Variants in SLC38A11 observed in about 807,000 individuals in gnomAD.
SLC38A11 encodes solute carrier family 38 member 11, also known as putative sodium-coupled neutral amino acid transporter 11.
SLC38A11 carries 51 observed loss-of-function variants against 49.4 expected under a neutral mutation model. The observed-to-expected ratio is 1.03, with a 90% confidence interval of 0.83 to 1.30. The LOEUF (loss-of-function observed/expected upper bound fraction) is 1.30. Ranked by LOEUF, SLC38A11 falls within the 50% of genes most tolerant of loss-of-function variation. The probability of loss-of-function intolerance (pLI) is 0.00; values close to 1 mark genes in which losing one functional copy is unlikely to be tolerated. For missense variants in SLC38A11, 574 were observed against 556.2 expected (o/e 1.03, Z -0.32); for synonymous variants, 203 against 192.9 (o/e 1.05, Z -0.43).
chr2:164,934,458 G>T (rs1002390085), intron 7 of SLC38A11, among the ~76,000 whole-genome samples: 1 of 151,950 alleles, frequency 6.6e-6, no homozygotes, highest in African/African-American at 2.4e-5. Flanking sequence ...GAATCCAATT[G>T]CCTGGCCCCT....
chr2:164,949,405 A>G (rs10930142), intron 3 of SLC38A11, among the ~76,000 whole-genome samples: 121,142 of 151,874 alleles, frequency 0.8, 48,740 homozygotes, highest in East Asian at 0.99. Context: ...CTACAGACAC[A>G]AGCCACCACA....
chr2:164,936,307 G>T (rs1353195662), intron 7 of SLC38A11, among the ~76,000 whole-genome samples: 1 of 151,382 alleles, frequency 6.6e-6, no homozygotes, highest in Non-Finnish European at 1.5e-5. Flanking sequence ...CCTTTTTTTT[G>T]GTATTTTCCT....
intron 8 of SLC38A11, chr2:164,915,500 C>A (rs1037453577): frequency 6.4e-6 from 3 of 471,234 alleles, no homozygotes; most frequent in African/African-American, 2.0e-5. Flanking sequence ...ATAAACCAGG[C>A]CAGTCCAACA....
chr2:164,927,469 G>T (rs1215686014), intron 7 of SLC38A11, among the ~76,000 whole-genome samples: 1 of 152,096 alleles, frequency 6.6e-6, no homozygotes, highest in African/African-American at 2.4e-5. Flanking sequence ...GTAAAAAAAT[G>T]GTTTTGGAGA....
At chr2:164,907,838 C>T (rs1685123579) in intron 11 of SLC38A11, 1 of 152,104 alleles carries the variant, frequency 6.6e-6, no homozygotes, top group African/African-American at 2.4e-5. Context: ...ATTGATATGG[C>T]TTATTCACAG....
At chr2:164,934,634 C>G (rs1324352648) in intron 7 of SLC38A11, among the ~76,000 whole-genome samples, 4 of 152,092 alleles carry the variant, frequency 2.6e-5, no homozygotes, top group Admixed American at 2.6e-4. Context: ...CTATGTTTCC[C>G]CCTCAATATT....
At chr2:164,903,537 C>A (rs1172249228) in intron 11 of SLC38A11, among the ~76,000 whole-genome samples, 1 of 152,124 alleles carries the variant, frequency 6.6e-6, no homozygotes, top group Non-Finnish European at 1.5e-5. Context: ...CTCAGTCTTA[C>A]TAAAGGTTGT....
chr2:164,931,346 C>A (rs1686993695), intron 7 of SLC38A11, among the ~76,000 whole-genome samples: 1 of 151,814 alleles, frequency 6.6e-6, no homozygotes, highest in South Asian at 2.1e-4. Flanking sequence ...GGCCACACTG[C>A]CCAAAGCAAT....
rs79477426 is a variant in SLC38A11 at position 164,953,075 on chromosome 2, T to G, written c.155-294A>C. ...AATGCCAGTTCACACAAATAACGTT[T>G]ACTTCAGGGTAAGAGTGACATAGCC... On this transcript the variant is annotated intron_variant, in intron 2 of 11. Coordinates refer to ENST00000685975, the MANE Select transcript of SLC38A11 (RefSeq NM_001351537.2). 149 of 313,606 alleles carry G rather than the reference T, an allele frequency of 4.8e-4. 3 individuals are homozygous for G. The East Asian group carries it at 0.014, about 30-fold the overall frequency. The allele number at this position is 313,606 out of a possible 1,614,324, so 19.4% of individuals were successfully genotyped here.
At chr2:164,903,295 T>A (rs1684783195) in intron 11 of SLC38A11, among the ~76,000 whole-genome samples, 1 of 152,204 alleles carries the variant, frequency 6.6e-6, no homozygotes, top group African/African-American at 2.4e-5. Flanking sequence ...ACTATCAGGA[T>A]GAAAACTGCC....
At chr2:164,912,784 A>G (rs1685491205) in intron 9 of SLC38A11, among the ~76,000 whole-genome samples, 1 of 152,066 alleles carries the variant, frequency 6.6e-6, no homozygotes, top group Admixed American at 6.6e-5. Flanking sequence ...TTATTTAGAG[A>G]CTATATTTCT....
chr2:164,895,777 C>G lies in SLC38A11; in HGVS notation c.*2660G>C, dbSNP rs1034135799. 6 of 152,184 alleles carry G rather than the reference C, an allele frequency of 3.9e-5. No individual in the cohort carries two copies. Among genetic ancestry groups the G allele is most frequent in the Non-Finnish European group, 7.3e-5 (5 of 68,038 alleles). 9.4% of individuals were successfully genotyped at this position (152,184 alleles called of 1,614,324 possible). ...GCGTTCAGGAAGGTATGGTCATAGACAGTTTACCCATTCTGATGTTTGAAG... is the reference window on the plus strand; with the variant it reads ...GCGTTCAGGAAGGTATGGTCATAGAGAGTTTACCCATTCTGATGTTTGAAG... On this transcript the variant is annotated 3_prime_UTR_variant, in exon 12 of 12. Transcript: ENST00000685975.
chr2:164,946,084 G>C (rs1688086508), intron 3 of SLC38A11, among the ~76,000 whole-genome samples: 1 of 152,188 alleles, frequency 6.6e-6, no homozygotes, highest in Admixed American at 6.5e-5. Context: ...TCAAGGAATA[G>C]GATGTAGGTA....
At chr2:164,924,151 T>A (rs1303060727) in intron 7 of SLC38A11, among the ~76,000 whole-genome samples, 1 of 152,086 alleles carries the variant, frequency 6.6e-6, no homozygotes, top group Non-Finnish European at 1.5e-5. Flanking sequence ...AAGAATGAAA[T>A]CATGTCCTTT....
intron 9 of SLC38A11, among the ~76,000 whole-genome samples, chr2:164,913,703 G>T (rs145499114): frequency 1.3e-5 from 2 of 152,102 alleles, no homozygotes; most frequent in Non-Finnish European, 2.9e-5. Flanking sequence ...TAAAAACCAA[G>T]GTCCTGTACA....
Position 164,895,203 on chromosome 2 carries a change from T to A in SLC38A11, c.*3234A>T, listed in dbSNP as rs561710473. Among the ~76,000 whole-genome samples the A allele has an allele frequency of 6.6e-6, 1 of 152,316 alleles. No individual in the cohort carries two copies. The highest frequency in any genetic ancestry group is 1.5e-5 in the Non-Finnish European group (1 of 68,022). On this transcript the variant is annotated 3_prime_UTR_variant, in exon 12 of 12. Coordinates refer to ENST00000685975, the MANE Select transcript of SLC38A11 (RefSeq NM_001351537.2). Reference sequence around the variant, plus strand: ...TCTCCTGGTCTATGTGTTCTCTAGGTCACAGCATCTCTGGTCCACTCTACA... The same window carrying A: ...TCTCCTGGTCTATGTGTTCTCTAGGACACAGCATCTCTGGTCCACTCTACA...
intron 3 of SLC38A11, among the ~76,000 whole-genome samples, chr2:164,946,194 T>C (rs1298308860): frequency 1.3e-5 from 2 of 152,230 alleles, no homozygotes; most frequent in Non-Finnish European, 2.9e-5. Context: ...GAATTTGTTT[T>C]ATAATATAAT....
At position 164,952,758 on chromosome 2, in the gene SLC38A11, C is replaced by T. The variant is rs147209705; in HGVS notation, c.178G>A (p.Ala60Thr). The T allele has an allele frequency of 9.2e-5, 148 of 1,606,444 alleles. No individual in the cohort carries two copies. The African/African-American group carries it at 1.9e-3, about 21-fold the overall frequency. The change falls in exon 3 of 12, where the codon GCT (alanine) becomes ACT (threonine). Residue 60 changes from alanine to threonine, a missense_variant. Physicochemically the swap from Ala to Thr is moderately conservative, Grantham distance 58. Transcript: ENST00000685975. The part of the protein sequence containing the change: ...IIGLPYSMKQ[A>T]GFPLGILLLF... ...AGCAATATTCCCAAAGGAAACCCAGCTTGCTTCATTGAATAAGGCAATCCT... is the reference window on the plus strand; with the variant it reads ...AGCAATATTCCCAAAGGAAACCCAGTTTGCTTCATTGAATAAGGCAATCCT...
At chr2:164,902,026 T>G (rs898446395) in intron 11 of SLC38A11, among the ~76,000 whole-genome samples, 1 of 143,540 alleles carries the variant, frequency 7.0e-6, no homozygotes, top group Non-Finnish European at 1.5e-5. Flanking sequence ...TTTTTTGTTT[T>G]CTCTCTCTTT....
Sources: allele counts gnomAD v4.1 joint callset (sites outside exome capture counted in the v4.1 genomes callset), GRCh38; gene constraint gnomAD v4.1.1; transcripts MANE v1.5; gene names NCBI Gene and HGNC (gene_info 2026-07-23, HGNC 2026-07-21).